The following FAP variants were observed in gnomAD, a reference collection of about 807,000 sequenced individuals.
FAP encodes fibroblast activation protein alpha.
FAP carries 110 observed loss-of-function variants against 126.5 expected under a neutral mutation model. That is an observed-to-expected ratio of 0.87 (90% CI 0.74 to 1.02). FAP has a LOEUF of 1.02. Among genes scored for constraint, FAP ranks in the 50% least tolerant of loss-of-function variants. The pLI, the probability that FAP is intolerant of heterozygous loss-of-function variation, is 0.00. For synonymous variants in FAP, 334 were observed against 297.3 expected, an observed-to-expected ratio of 1.12 and a Z score of -1.27; for missense variants, 919 against 909.2, an observed-to-expected ratio of 1.01 and a Z score of -0.14.
chr2:162,234,167 A>G (rs1690012295), intron 2 of FAP, among the ~76,000 whole-genome samples: 1 of 152,092 alleles, frequency 6.6e-6, no homozygotes, highest in Non-Finnish European at 1.5e-5. Context: ...TTCTTTTTCA[A>G]TATTGTTTTA....
intron 15 of FAP, among the ~76,000 whole-genome samples, chr2:162,200,033 G>T (rs895982621): frequency 6.6e-6 from 1 of 152,130 alleles, no homozygotes; most frequent in Non-Finnish European, 1.5e-5. Context: ...AAGGTGCCTG[G>T]CATATAATAG....
At position 162,173,155 on chromosome 2, in the gene FAP, C is replaced by G; in HGVS notation, c.2101G>C (p.Ala701Pro). Reference protein sequence around the residue: ...NVDYLLIHGTADDNVHFQNSA... With the variant: ...NVDYLLIHGTPDDNVHFQNSA... Reference sequence around the variant, plus strand: ...AGTCTTGCTTAAACCTCACCATCTGCTGTTCCGTGGATGAGAAGATAGTCT... The same window carrying G: ...AGTCTTGCTTAAACCTCACCATCTGGTGTTCCGTGGATGAGAAGATAGTCT... The change falls in exon 24 of 26, where the codon GCA becomes CCA. Residue 701 changes from alanine to proline, a missense_variant. Transcript: ENST00000188790. 1 of 1,612,416 alleles carries G rather than the reference C, an allele frequency of 6.2e-7. No homozygotes were observed. The highest frequency in any genetic ancestry group is 2.2e-5 in the East Asian group (1 of 44,858).
rs889756141 is a variant in FAP, at chr2:162,172,645, G to GTA, written c.2181+164_2181+165dup. ...GATCTGGTTTGCCTCGGGTCCTTCAGTAGTTAAAGAAAGATCCAAGATTCA... is the reference window on the plus strand; with the variant it reads ...GATCTGGTTTGCCTCGGGTCCTTCAGTATAGTTAAAGAAAGATCCAAGATTCA... On this transcript the variant is annotated intron_variant, in intron 25 of 25. Transcript: ENST00000188790. 3.1e-4 allele frequency: 179 copies of GTA among 574,508 alleles called. No individual in the cohort carries two copies. The African/African-American group carries it at 3.2e-3, about 10-fold the overall frequency. 35.6% of individuals were successfully genotyped at this position (574,508 alleles called of 1,614,324 possible).
At position 162,223,611 on chromosome 2, in the gene FAP, T is replaced by G. The variant is rs373002642; in HGVS notation, c.410A>C (p.Asn137Thr). The G allele has an allele frequency of 2.6e-5, 41 of 1,591,198 alleles. No individual in the cohort carries two copies. In the Middle Eastern group the frequency reaches 5.0e-4, roughly 19 times the overall value. Residue 137 changes from asparagine (N) to threonine (T), a missense_variant, in exon 6 of 26, where the codon AAT becomes ACT. Transcript: ENST00000188790. ...TTAATAAACAGAGGTGATTTACCCA[T>G]TGCTAAGGTCATAGATGTAATATGT... is the stretch of plus-strand genomic sequence containing the variant. ...TATYYIYDLS[N>T]GEFVRGNELP... is the part of the protein sequence containing the mutation.
At chr2:162,184,075 C>T (rs1477740751) in intron 20 of FAP, among the ~76,000 whole-genome samples, 1 of 152,072 alleles carries the variant, frequency 6.6e-6, no homozygotes, top group Non-Finnish European at 1.5e-5. Context: ...TCCTTAGGAG[C>T]AAGGGGCTAC....
intron 3 of FAP, 81 bp from the exon 4 acceptor site, chr2:162,225,658 T>C: frequency 1.4e-6 from 2 of 1,383,214 alleles, no homozygotes; most frequent in Non-Finnish European, 1.9e-6. Context: ...CCTCTCTATT[T>C]CACAGACCTA....
intron 15 of FAP, among the ~76,000 whole-genome samples, chr2:162,199,829 T>A (rs75950079): frequency 1.1e-3 from 166 of 152,342 alleles, no homozygotes; most frequent in Non-Finnish European, 1.7e-3. Context: ...AGGGAAAATT[T>A]CTTATTTCCT....
chr2:162,184,315 G>A (rs1427527060), intron 20 of FAP, among the ~76,000 whole-genome samples: 2 of 152,154 alleles, frequency 1.3e-5, no homozygotes, highest in Admixed American at 1.3e-4. Context: ...ACAGGAAGGA[G>A]GGGAGAAGAC....
chr2:162,218,036 A>G lies in FAP; in HGVS notation c.712T>C (p.Tyr238His), dbSNP rs1689221578. The G allele has an allele frequency of 1.2e-6, 2 of 1,605,418 alleles. No individual in the cohort carries two copies. The highest frequency in any genetic ancestry group is 1.7e-6 in the Non-Finnish European group (2 of 1,175,460). The change falls in exon 9 of 26, where the codon TAT becomes CAT. Residue 238 changes from tyrosine (Y) to histidine (H), a missense_variant. By Grantham distance (83) the Tyr-to-His change is moderately conservative. Transcript: ENST00000188790. Reference protein sequence around the residue: ...DTDIPVIAYSYYGDEQYPRTI... With the variant: ...DTDIPVIAYSHYGDEQYPRTI... ...CTAGGATATTGTTCATCGCCATAAT[A>G]GGAATAGGCAATAACTGGTATATCC...
chr2:162,219,919 A>G lies in FAP; in HGVS notation c.420T>C (p.Phe140=), dbSNP rs772987494. 3 of 1,610,500 alleles carry G rather than the reference A, an allele frequency of 1.9e-6. No individual in the cohort carries two copies. Among genetic ancestry groups the G allele is most frequent in the Non-Finnish European group, 2.5e-6 (3 of 1,176,996 alleles). Residue 140 remains phenylalanine, a synonymous_variant, in exon 7 of 26, where the codon TTT becomes TTC. Transcript: ENST00000188790. ...GACGAGGAAGCTCATTTCCTCTTAC[A>G]AATTCTCTAGAAGGAAAGAAAGAAA... The part of the protein sequence containing the change: ...YYIYDLSNGE[F]VRGNELPRPI...
intron 2 of FAP, among the ~76,000 whole-genome samples, chr2:162,236,507 G>A (rs1262698899): frequency 6.6e-6 from 1 of 150,812 alleles, no homozygotes; most frequent in Non-Finnish European, 1.5e-5. Context: ...TGGTGTTATA[G>A]CACCACTCAT....
intron 6 of FAP, 61 bp downstream of exon 6, chr2:162,223,547 T>C: frequency 9.3e-7 from 1 of 1,080,308 alleles, no homozygotes; most frequent in Non-Finnish European, 1.4e-6. Flanking sequence ...AAATCATAGT[T>C]TGGAATGAAA....
intron 9 of FAP, among the ~76,000 whole-genome samples, chr2:162,217,394 T>C (rs1358709757): frequency 6.6e-6 from 1 of 152,224 alleles, no homozygotes; most frequent in East Asian, 1.9e-4. Context: ...ACCATTCTCC[T>C]ACTGCACACT....
At chr2:162,183,593 C>T in intron 20 of FAP, 125 bp from the exon 21 acceptor site, 2 of 648,158 alleles carry the variant, frequency 3.1e-6, no homozygotes, top group South Asian at 1.9e-5. Context: ...TAAACACATG[C>T]ATAATAAGCC....
chr2:162,224,528 C>G lies in FAP; in HGVS notation c.298G>C (p.Ala100Pro). 6.3e-7 allele frequency: 1 copy of G among 1,591,210 alleles called. No homozygotes were observed. Among genetic ancestry groups the G allele is most frequent in the East Asian group, 2.3e-5 (1 of 44,036 alleles). ...LSNRTMKSVN[A>P]SNYGLSPDRQ... The stretch of plus-strand genomic sequence containing the variant: ...TCAGGTGATAAGCCGTAATTTGAAG[C>G]ATTCACACTTTTCTGAAATTATGAA... The change falls in exon 5 of 26, where the codon GCT becomes CCT. Residue 100 changes from alanine (A) to proline (P), a missense_variant. By Grantham distance (27) the Ala-to-Pro change is conservative. Transcript: ENST00000188790.
intron 15 of FAP, among the ~76,000 whole-genome samples, chr2:162,200,129 C>T (rs906108511): frequency 2.0e-5 from 3 of 152,186 alleles, no homozygotes; most frequent in Non-Finnish European, 4.4e-5. Context: ...AAGGGAACAA[C>T]TGGACTGAAT....
intron 16 of FAP, chr2:162,197,693 G>T: frequency 2.2e-6 from 1 of 456,006 alleles, no homozygotes; most frequent in South Asian, 1.6e-5. Context: ...GCATGTTAGG[G>T]TAGCCTTCAT....
At chr2:162,190,976 C>G (rs974970291) in intron 17 of FAP, among the ~76,000 whole-genome samples, 14 of 152,172 alleles carry the variant, frequency 9.2e-5, no homozygotes, top group Admixed American at 4.6e-4. Flanking sequence ...GGTAATCCAT[C>G]AGGGAAGAGA....
intron 21 of FAP, among the ~76,000 whole-genome samples, chr2:162,178,764 GT>G (rs1399273600): frequency 6.6e-6 from 1 of 152,146 alleles, no homozygotes; most frequent in Non-Finnish European, 1.5e-5. Flanking sequence ...ATTTTGTTGG[GT>G]GCGATGTATT....
Sources: gnomAD v4.1 joint callset for allele counts (sites outside exome capture counted in the v4.1 genomes callset) on GRCh38, gnomAD v4.1.1 for gene constraint, MANE v1.5 for transcripts, NCBI Gene and HGNC (gene_info 2026-07-23, HGNC 2026-07-21) for gene names.